Variants in ENPP1 observed in about 807,000 individuals in gnomAD.
The protein encoded by ENPP1 is ectonucleotide pyrophosphatase/phosphodiesterase 1, also known as ectonucleotide pyrophosphatase/phosphodiesterase family member 1.
A neutral mutation model predicts 122.8 loss-of-function variants in ENPP1; 73 were observed. That is an observed-to-expected ratio of 0.59 (90% CI 0.49 to 0.72). ENPP1 has a LOEUF of 0.72. Ranked by LOEUF, ENPP1 falls within the 30% of genes least tolerant of loss-of-function variation. The probability of loss-of-function intolerance (pLI) is 0.00; values close to 1 mark genes in which losing one functional copy is unlikely to be tolerated. For missense variants in ENPP1, 978 were observed against 1,128.1 expected (o/e 0.87, Z 1.91); for synonymous variants, 367 against 391.6 (o/e 0.94, Z 0.74).
intron 1 of ENPP1, among the ~76,000 whole-genome samples, chr6:131,817,314 G>A: frequency 6.6e-6 from 1 of 152,288 alleles, no homozygotes; most frequent in African/African-American, 2.4e-5. Context: ...ATAACAATGT[G>A]TAATTAGAAC....
intron 1 of ENPP1, among the ~76,000 whole-genome samples, chr6:131,845,721 A>T (rs1475717419): frequency 6.6e-6 from 1 of 152,004 alleles, no homozygotes; most frequent in Non-Finnish European, 1.5e-5. Flanking sequence ...AGCCTCTCAA[A>T]GTGCCTGGCC....
At chr6:131,857,552 A>T (rs1453372126) in intron 6 of ENPP1, among the ~76,000 whole-genome samples, 2 of 150,462 alleles carry the variant, frequency 1.3e-5, no homozygotes. Flanking sequence ...TCGCAAGAAC[A>T]AAAAACCAAA....
chr6:131,862,888 G>A (rs888394695), intron 9 of ENPP1, among the ~76,000 whole-genome samples: 1 of 151,914 alleles, frequency 6.6e-6, no homozygotes, highest in Non-Finnish European at 1.5e-5. Context: ...CCTCAGGCAA[G>A]AAGTTGTTTT....
At chr6:131,865,741 C>G (rs1320098795) in intron 11 of ENPP1, among the ~76,000 whole-genome samples, 14 of 152,188 alleles carry the variant, frequency 9.2e-5, no homozygotes, top group Non-Finnish European at 1.5e-5. Flanking sequence ...CGCCTGTAAT[C>G]CCAGCACTTT....
chr6:131,809,064 T>A (rs1001655689), intron 1 of ENPP1, among the ~76,000 whole-genome samples: 1 of 152,186 alleles, frequency 6.6e-6, no homozygotes, highest in African/African-American at 2.4e-5. Flanking sequence ...CTTGCGTAAC[T>A]GTCCCTAAAC....
At chr6:131,837,520 CAAAAAAAAA>C (rs34431136) in intron 1 of ENPP1, among the ~76,000 whole-genome samples, 5 of 81,944 alleles carry the variant, frequency 6.1e-5, no homozygotes, top group Non-Finnish European at 1.0e-4. Context: ...GACTCTGTCT[CAAAAAAAAA>C]AAAAAAAAAA....
intron 18 of ENPP1, chr6:131,877,485 T>G (rs1782245403): frequency 2.6e-6 from 1 of 381,986 alleles, no homozygotes; most frequent in South Asian, 2.5e-5. Flanking sequence ...AGGGAATCTG[T>G]GCTGTTAACT....
rs368245869 is a variant in ENPP1, at chr6:131,849,830, T to C, written c.314-160T>C. Among the ~76,000 whole-genome samples, 148 of 152,310 alleles carry C rather than the reference T, an allele frequency of 9.7e-4. 7 individuals carry two copies. In the South Asian group the frequency reaches 0.03, roughly 30 times the overall value. ...CTTTCTGTTTGTATCACTTTTTGTG[T>C]GTATTTGTGAAAAGATTTTTGCCTT... On this transcript the variant is annotated intron_variant, in intron 2 of 24. Transcript: ENST00000647893.
At chr6:131,874,075 T>A (rs982540394) in intron 15 of ENPP1, among the ~76,000 whole-genome samples, 193 bp from the exon 16 acceptor site, 1 of 152,194 alleles carries the variant, frequency 6.6e-6, no homozygotes, top group African/African-American at 2.4e-5. Context: ...ATATTGCTTA[T>A]AGTTAATTTG....
At position 131,892,138 on chromosome 6, in the gene ENPP1, A is replaced by G. The variant is rs1782479213; in HGVS notation, c.*1627A>G. On this transcript the variant is annotated 3_prime_UTR_variant, in exon 25 of 25. Transcript: ENST00000647893. ...CAACATCTGTCACCTCATTGTTTGC[A>G]TCTACTGATGGTCTTTTTTCCATTC... 1 of 151,962 alleles carries G rather than the reference A, an allele frequency of 6.6e-6. No homozygotes were observed. The highest frequency in any genetic ancestry group is 1.5e-5 in the Non-Finnish European group (1 of 67,932). 9.4% of individuals were successfully genotyped at this position (151,962 alleles called of 1,614,324 possible). A position where few individuals can be genotyped will look rare whatever the true frequency, so the allele number is the denominator to read the frequency against.
At position 131,890,723 on chromosome 6, in the gene ENPP1, A is replaced by C; in HGVS notation, c.*212A>C. The C allele has an allele frequency of 1.7e-6, 1 of 577,906 alleles. No individual in the cohort carries two copies. The highest frequency in any genetic ancestry group is 3.1e-6 in the Non-Finnish European group (1 of 324,998). The allele number at this position is 577,906 out of a possible 1,614,324, so 35.8% of individuals were successfully genotyped here. A position where few individuals can be genotyped will look rare whatever the true frequency, so the allele number is the denominator to read the frequency against. On this transcript the variant is annotated 3_prime_UTR_variant, in exon 25 of 25. Coordinates refer to ENST00000647893, the MANE Select transcript of ENPP1 (RefSeq NM_006208.3). ...CTTGCACATATTTGAATGTGTAAGC[A>C]TTGTATACATTGATCAAGTTCGGGG... is the stretch of plus-strand genomic sequence containing the variant.
At position 131,852,995 on chromosome 6, in the gene ENPP1, G is replaced by A. The variant is rs553427282; in HGVS notation, c.617+760G>A. Among the ~76,000 whole-genome samples, 21 of 152,114 alleles carry A rather than the reference G, an allele frequency of 1.4e-4. No individual in the cohort carries two copies. In the East Asian group the frequency reaches 4.1e-3, roughly 29 times the overall value. ...TGAAGATTTTATAAAGGTGTTAAGT[G>A]TATTTATCTTTGTTCCATTTGAGGT... is the stretch of plus-strand genomic sequence containing the variant. On this transcript the variant is annotated intron_variant, in intron 5 of 24. Transcript: ENST00000647893.
chr6:131,825,784 A>G (rs1781538456), intron 1 of ENPP1, among the ~76,000 whole-genome samples: 1 of 152,180 alleles, frequency 6.6e-6, no homozygotes, highest in South Asian at 2.1e-4. Context: ...ATTTAAGCCT[A>G]AATATATACA....
chr6:131,836,593 C>T (rs548823084), intron 1 of ENPP1, among the ~76,000 whole-genome samples: 1 of 152,194 alleles, frequency 6.6e-6, no homozygotes, highest in African/African-American at 2.4e-5. Context: ...AAGAACTTGG[C>T]GTTTTTTTAA....
In ENPP1 at chr6:131,893,715, G is replaced by A. The variant is rs1222321148; in HGVS notation, c.*3204G>A. On this transcript the variant is annotated 3_prime_UTR_variant, in exon 25 of 25. Coordinates refer to ENST00000647893, the MANE Select transcript of ENPP1 (RefSeq NM_006208.3). Reference sequence around the variant, plus strand: ...GCTTTTTTTCTGTGGTTCTTACACAGTATTCCTTTTTTTCTTTTCTTGAAA... The same window carrying A: ...GCTTTTTTTCTGTGGTTCTTACACAATATTCCTTTTTTTCTTTTCTTGAAA... The A allele has an allele frequency of 6.6e-6, 1 of 152,066 alleles. No homozygotes were observed. The highest frequency in any genetic ancestry group is 2.4e-5 in the African/African-American group (1 of 41,428). 9.4% of individuals were successfully genotyped at this position (152,066 alleles called of 1,614,324 possible). A position where few individuals can be genotyped will look rare whatever the true frequency, so the allele number is the denominator to read the frequency against.
chr6:131,871,227 A>G lies in ENPP1; in HGVS notation c.1406-843A>G, dbSNP rs562962842. Among the ~76,000 whole-genome samples, 10 of 152,222 alleles carry G rather than the reference A, an allele frequency of 6.6e-5. No homozygotes were observed. In the East Asian group the frequency reaches 1.2e-3, roughly 18 times the overall value. ...CACTTTACATAAATATATAAAATAT[A>G]TGTATATAAAATGTATACTCTTATC... On this transcript the variant is annotated intron_variant, in intron 13 of 24. Transcript: ENST00000647893.
chr6:131,823,794 A>G lies in ENPP1; in HGVS notation c.240+15519A>G, dbSNP rs540003416. Among the ~76,000 whole-genome samples, 16 of 152,092 alleles carry G rather than the reference A, an allele frequency of 1.1e-4. No individual in the cohort carries two copies. The East Asian group carries it at 3.1e-3, about 29-fold the overall frequency. ...CTGGAGCCAGAGTGCTGGAGTGTAAATCGCATCTCTGCCAATAATTGCTTT... is the reference window on the plus strand; with the variant it reads ...CTGGAGCCAGAGTGCTGGAGTGTAAGTCGCATCTCTGCCAATAATTGCTTT... On this transcript the variant is annotated intron_variant, in intron 1 of 24. Coordinates refer to ENST00000647893, the MANE Select transcript of ENPP1 (RefSeq NM_006208.3).
At chr6:131,875,245 T>G (rs894856259) in intron 16 of ENPP1, among the ~76,000 whole-genome samples, 81 of 152,306 alleles carry the variant, frequency 5.3e-4, no homozygotes, top group African/African-American at 1.9e-3. Flanking sequence ...ATATTCATGT[T>G]TCATAAACAT....
At chr6:131,827,647 A>T (rs1781561441) in intron 1 of ENPP1, 1 of 615,468 alleles carries the variant, frequency 1.6e-6, no homozygotes, top group Admixed American at 2.3e-5. Context: ...CTTCAGATAC[A>T]CACTATAAAT....
Sources: allele counts gnomAD v4.1 joint callset (sites outside exome capture counted in the v4.1 genomes callset), GRCh38; gene constraint gnomAD v4.1.1; transcripts MANE v1.5; gene names NCBI Gene and HGNC (gene_info 2026-07-23, HGNC 2026-07-21).